The following CPA6 variants were observed in gnomAD, a reference collection of about 807,000 sequenced individuals.
CPA6 encodes carboxypeptidase B.
Under a neutral mutation model 63.3 loss-of-function variants are expected in CPA6, and 58 were observed. That is an observed-to-expected ratio of 0.92 (90% CI 0.74 to 1.14). The LOEUF is 1.14. Among genes scored for constraint, CPA6 ranks in the 50% most tolerant of loss-of-function variants. The probability of loss-of-function intolerance (pLI) is 0.00; values close to 1 mark genes in which losing one functional copy is unlikely to be tolerated. For synonymous variants in CPA6, 185 were observed against 179.0 expected, an observed-to-expected ratio of 1.03 and a Z score of -0.27; for missense variants, 565 against 526.6, an observed-to-expected ratio of 1.07 and a Z score of -0.71.
At chr8:67,516,042 A>C (rs1373065589) in intron 3 of CPA6, among the ~76,000 whole-genome samples, 1 of 152,076 alleles carries the variant, frequency 6.6e-6, no homozygotes, top group Non-Finnish European at 1.5e-5. Context: ...CTATTATTTC[A>C]CTGAGGACCT....
intron 7 of CPA6, among the ~76,000 whole-genome samples, chr8:67,484,214 C>T (rs573627521): frequency 1.2e-4 from 18 of 152,230 alleles, no homozygotes; most frequent in Middle Eastern, 3.4e-3. Context: ...GGACTACAGG[C>T]GCCCGCCACC....
In CPA6 at chr8:67,475,841, TTC is replaced by T. The variant is rs1175577121; in HGVS notation, c.838+7925_838+7926del. 6.5e-4 allele frequency among the ~76,000 whole-genome samples: 60 copies of T among 92,972 alleles called. 2 individuals are homozygous for T. Among genetic ancestry groups the T allele is most frequent in the Middle Eastern group, 4.8e-3 (1 of 208 alleles). The allele number at this position is 92,972 out of a possible 152,430, so 61.0% of individuals were successfully genotyped here. On this transcript the variant is annotated intron_variant, in intron 8 of 10. Coordinates refer to ENST00000297770, the MANE Select transcript of CPA6 (RefSeq NM_020361.5). ...TCCTTTCTTTTCTTTCTTTCTTTCT[TTC>T]TTTCTTTCTTTCTTTCTTTCTTTCT...
Position 67,612,130 on chromosome 8 carries a change from A to G in CPA6, c.192+12046T>C, listed in dbSNP as rs140218066. Among the ~76,000 whole-genome samples, 1,456 of 152,308 alleles carry G rather than the reference A, an allele frequency of 9.6e-3. 21 individuals are homozygous for G. Among genetic ancestry groups the G allele is most frequent in the African/African-American group, 0.033 (1,387 of 41,568 alleles). On this transcript the variant is annotated intron_variant, in intron 2 of 10. Coordinates refer to ENST00000297770, the MANE Select transcript of CPA6 (RefSeq NM_020361.5). ...ACAAATTCATGGACAAAATGAATGG[A>G]CTGTCTAAGTATGGCCCTGGATATG...
intron 1 of CPA6, among the ~76,000 whole-genome samples, chr8:67,719,695 A>G (rs1587726746): frequency 6.6e-6 from 1 of 152,122 alleles, no homozygotes; most frequent in Non-Finnish European, 1.5e-5. Context: ...TAAAATAATG[A>G]CGGCAGCATG....
chr8:67,737,463 C>CAATCGTCACATCT (rs895290067), intron 1 of CPA6, among the ~76,000 whole-genome samples: 1 of 152,118 alleles, frequency 6.6e-6, no homozygotes, highest in African/African-American at 2.4e-5. Context: ...CCCCCCTTTG[C>CAATCGTCACATCT]AATCGTCACA....
chr8:67,645,375 C>A (rs1033996961), intron 1 of CPA6, among the ~76,000 whole-genome samples: 1 of 151,946 alleles, frequency 6.6e-6, no homozygotes, highest in African/African-American at 2.4e-5. Flanking sequence ...ATGAGAGAAT[C>A]GGTAAAAAAA....
chr8:67,503,894 C>T (rs1311346455), intron 6 of CPA6, among the ~76,000 whole-genome samples: 4 of 152,166 alleles, frequency 2.6e-5, no homozygotes, highest in Non-Finnish European at 5.9e-5. Context: ...TTAATGCTCT[C>T]GCTCCCATTT....
chr8:67,432,949 G>A (rs1240774262), intron 9 of CPA6, among the ~76,000 whole-genome samples: 1 of 152,232 alleles, frequency 6.6e-6, no homozygotes, highest in Non-Finnish European at 1.5e-5. Context: ...AGTGAGGGCA[G>A]TCATGTGGGA....
rs925434414 is a variant in CPA6 at position 67,605,485 on chromosome 8, AT to A, written c.192+18690del. On this transcript the variant is annotated intron_variant, in intron 2 of 10. Transcript: ENST00000297770. ...ATGCCTAATACAATGTAAATGTTAT[AT>A]AGCTGTTATATTTTAAAAATTTGTA... 3.2e-4 allele frequency among the ~76,000 whole-genome samples: 49 copies of A among 151,384 alleles called. 1 individual carries two copies. Among genetic ancestry groups the A allele is most frequent in the African/African-American group, 1.1e-3 (47 of 41,288 alleles).
chr8:67,595,199 T>G lies in CPA6; in HGVS notation c.192+28977A>C, dbSNP rs116023515. Among the ~76,000 whole-genome samples the G allele has an allele frequency of 6.2e-3, 945 of 152,318 alleles. 11 individuals are homozygous for G. The highest frequency in any genetic ancestry group is 0.022 in the African/African-American group (911 of 41,558). ...AGTGGTGTCTGCAGAACTGCGGATTTTCGTGATCCATGAATGCTGCTGTCT... is the reference window on the plus strand; with the variant it reads ...AGTGGTGTCTGCAGAACTGCGGATTGTCGTGATCCATGAATGCTGCTGTCT... On this transcript the variant is annotated intron_variant, in intron 2 of 10. Coordinates refer to ENST00000297770, the MANE Select transcript of CPA6 (RefSeq NM_020361.5).
chr8:67,529,749 C>T (rs1056265702), intron 2 of CPA6, among the ~76,000 whole-genome samples: 5 of 152,074 alleles, frequency 3.3e-5, no homozygotes, highest in Non-Finnish European at 7.4e-5. Flanking sequence ...GGAGAAAATA[C>T]CTCCCCTCAA....
intron 8 of CPA6, among the ~76,000 whole-genome samples, chr8:67,439,071 G>T (rs898657692): frequency 6.6e-6 from 1 of 151,646 alleles, no homozygotes; most frequent in Non-Finnish European, 1.5e-5. Flanking sequence ...GAGCATGGAG[G>T]ATTGCTTGAG....
At chr8:67,724,724 C>T (rs1039314305) in intron 1 of CPA6, among the ~76,000 whole-genome samples, 1 of 152,210 alleles carries the variant, frequency 6.6e-6, no homozygotes, top group Non-Finnish European at 1.5e-5. Flanking sequence ...TCCCTTAAAA[C>T]CACACAATTA....
chr8:67,508,762 T>C (rs1811983348), intron 5 of CPA6, among the ~76,000 whole-genome samples: 1 of 151,924 alleles, frequency 6.6e-6, no homozygotes, highest in Non-Finnish European at 1.5e-5. Context: ...TTTTAGAAGT[T>C]TGGCTGAGAA....
At chr8:67,439,841 G>C (rs1254247278) in intron 8 of CPA6, among the ~76,000 whole-genome samples, 1 of 152,078 alleles carries the variant, frequency 6.6e-6, no homozygotes, top group Non-Finnish European at 1.5e-5. Context: ...GCCCAGGCTG[G>C]TGTTGAATTC....
chr8:67,635,912 G>A (rs1374727647), intron 1 of CPA6, among the ~76,000 whole-genome samples: 2 of 151,500 alleles, frequency 1.3e-5, no homozygotes, highest in Non-Finnish European at 2.9e-5. Flanking sequence ...CCTTCACAAG[G>A]GACCAGAGTA....
chr8:67,434,013 T>C (rs755834693), intron 9 of CPA6, 25 bp downstream of exon 9: 4 of 1,549,032 alleles, frequency 2.6e-6, no homozygotes, highest in Non-Finnish European at 1.8e-6. Flanking sequence ...AAGCCTGATG[T>C]ACATGCACAG....
intron 2 of CPA6, among the ~76,000 whole-genome samples, chr8:67,583,301 G>A (rs1813825677): frequency 6.6e-6 from 1 of 152,110 alleles, no homozygotes; most frequent in East Asian, 1.9e-4. Context: ...CAGATAATTA[G>A]GAGTAGGGCT....
chr8:67,428,461 C>T (rs1002775783), intron 9 of CPA6, among the ~76,000 whole-genome samples: 4 of 152,006 alleles, frequency 2.6e-5, no homozygotes, highest in African/African-American at 9.7e-5. Flanking sequence ...TGTTCCGTTC[C>T]TTGACTTTAG....
Sources: allele counts gnomAD v4.1 joint callset (sites outside exome capture counted in the v4.1 genomes callset), GRCh38; gene constraint gnomAD v4.1.1; transcripts MANE v1.5; gene names NCBI Gene and HGNC (gene_info 2026-07-23, HGNC 2026-07-21).